The following PKIB variants were observed in gnomAD, a reference collection of about 807,000 sequenced individuals.
The protein encoded by PKIB is PKI-beta.
Under a neutral mutation model 4.5 loss-of-function variants are expected in PKIB, and 2 were observed. The ratio of observed to expected loss-of-function variants is 0.44; its 90% CI spans 0.18 to 1.39. The LOEUF (loss-of-function observed/expected upper bound fraction) is 1.39. PKIB is among the 40% of genes most tolerant of loss of function. PKIB has a pLI of 0.27. For missense variants in PKIB, 94 were observed against 92.6 expected (o/e 1.02, Z -0.06); for synonymous variants, 38 against 36.0 (o/e 1.06, Z -0.20).
chr6:122,521,930 C>T (rs904638123), intron 2 of PKIB, among the ~76,000 whole-genome samples: 9 of 152,254 alleles, frequency 5.9e-5, no homozygotes, highest in African/African-American at 2.2e-4. Flanking sequence ...CGGTCCTCAT[C>T]TTCAAGGCTC....
intron 2 of PKIB, among the ~76,000 whole-genome samples, chr6:122,489,517 T>C (rs1011967753): frequency 6.6e-6 from 1 of 152,172 alleles, no homozygotes; most frequent in Admixed American, 6.5e-5. Flanking sequence ...CAAAGTGCTG[T>C]GATTACAGGC....
chr6:122,542,070 A>G (rs1777624188), intron 2 of PKIB, among the ~76,000 whole-genome samples: 2 of 151,470 alleles, frequency 1.3e-5, no homozygotes, highest in Non-Finnish European at 2.9e-5. Flanking sequence ...TGGTTATTCT[A>G]GTTATCCATT....
chr6:122,627,070 TAAAAAAAAAAA>T (rs60344840), intron 1 of PKIB, among the ~76,000 whole-genome samples: 5 of 108,326 alleles, frequency 4.6e-5, no homozygotes, highest in African/African-American at 1.4e-4. Context: ...CCGTCTCTAC[TAAAAAAAAAAA>T]AAAAAAAAAA....
intron 2 of PKIB, among the ~76,000 whole-genome samples, chr6:122,524,906 A>G (rs1484936049): frequency 6.6e-6 from 1 of 151,218 alleles, no homozygotes; most frequent in East Asian, 1.9e-4. Flanking sequence ...GATCTTTTGT[A>G]AAACATTTTT....
intron 3 of PKIB, among the ~76,000 whole-genome samples, chr6:122,683,288 C>T (rs1777972125): frequency 6.6e-6 from 1 of 152,038 alleles, no homozygotes; most frequent in Non-Finnish European, 1.5e-5. Flanking sequence ...TCTAAAGAGG[C>T]CTCAGGAATC....
chr6:122,667,334 G>A (rs1007527569), intron 2 of PKIB, among the ~76,000 whole-genome samples: 1 of 152,092 alleles, frequency 6.6e-6, no homozygotes, highest in African/African-American at 2.4e-5. Context: ...CGAGGAGATC[G>A]AGACCATCCT....
chr6:122,653,035 A>C (rs1400792016), intron 2 of PKIB, among the ~76,000 whole-genome samples: 1 of 152,084 alleles, frequency 6.6e-6, no homozygotes, highest in African/African-American at 2.4e-5. Context: ...AATTGTACTC[A>C]TGTATTGCTG....
chr6:122,538,430 T>C (rs1387578987), intron 2 of PKIB, among the ~76,000 whole-genome samples: 1 of 152,146 alleles, frequency 6.6e-6, no homozygotes, highest in Non-Finnish European at 1.5e-5. Context: ...ATTTATTAAA[T>C]AGGGAATCCT....
At chr6:122,677,036 T>C (rs1234858601) in intron 3 of PKIB, among the ~76,000 whole-genome samples, 6 of 152,226 alleles carry the variant, frequency 3.9e-5, no homozygotes, top group Admixed American at 3.9e-4. Context: ...TGTAAGCATA[T>C]ATATGCTATG....
intron 1 of PKIB, among the ~76,000 whole-genome samples, chr6:122,626,101 T>TAGATAGATAG (rs1562275450): frequency 1.4e-5 from 2 of 143,440 alleles, no homozygotes; most frequent in African/African-American, 2.6e-5. Context: ...TAGATAGAGA[T>TAGATAGATAG]AGATTAGAAG....
intron 2 of PKIB, among the ~76,000 whole-genome samples, chr6:122,574,079 A>G (rs1249981471): frequency 6.6e-6 from 1 of 152,262 alleles, no homozygotes; most frequent in Admixed American, 6.5e-5. Context: ...GTCTCAGGTT[A>G]CAAAATTAAT....
chr6:122,644,428 A>G (rs1219890260), intron 2 of PKIB: 3 of 152,150 alleles, frequency 2.0e-5, no homozygotes, highest in African/African-American at 4.8e-5. Context: ...CAGGGGATCA[A>G]ACCATTGATC....
intron 3 of PKIB, among the ~76,000 whole-genome samples, chr6:122,705,231 T>C (rs1779006747): frequency 1.3e-5 from 2 of 152,190 alleles, no homozygotes; most frequent in South Asian, 4.1e-4. Context: ...CATGGTTCAA[T>C]GACCACATTG....
At chr6:122,627,108 TG>T (rs1775480790) in intron 1 of PKIB, among the ~76,000 whole-genome samples, 1 of 149,122 alleles carries the variant, frequency 6.7e-6, no homozygotes, top group Non-Finnish European at 1.5e-5. Flanking sequence ...CTGGGCGTGC[TG>T]GCGGGCGCCT....
chr6:122,686,365 ATCTCATTGGTT>A (rs1195696243), intron 3 of PKIB, among the ~76,000 whole-genome samples: 3 of 151,996 alleles, frequency 2.0e-5, no homozygotes, highest in Non-Finnish European at 4.4e-5. Flanking sequence ...GTAGGATGGT[ATCTCATTGGTT>A]TCTATTTGCA....
At chr6:122,521,272 T>G (rs772752303) in intron 2 of PKIB, among the ~76,000 whole-genome samples, 6 of 152,138 alleles carry the variant, frequency 3.9e-5, no homozygotes, top group African/African-American at 9.7e-5. Context: ...ATTTGGAGCT[T>G]CTTCTTGGTC....
At chr6:122,571,378 T>C (rs1773362907) in intron 2 of PKIB, among the ~76,000 whole-genome samples, 2 of 152,160 alleles carry the variant, frequency 1.3e-5, no homozygotes, top group South Asian at 4.1e-4. Context: ...TATACAGATA[T>C]CAAAATACAA....
At chr6:122,677,890 CCTTTCTTT>C (rs763833967) in intron 3 of PKIB, among the ~76,000 whole-genome samples, 20 of 60,702 alleles carry the variant, frequency 3.3e-4, no homozygotes, top group Middle Eastern at 9.6e-3. Flanking sequence ...TTCCTTCCTT[CCTTTCTTT>C]CTTTCTTTCC....
At chr6:122,537,198 G>C (rs1777432166) in intron 2 of PKIB, among the ~76,000 whole-genome samples, 1 of 151,656 alleles carries the variant, frequency 6.6e-6, no homozygotes, top group South Asian at 2.1e-4. Context: ...TTAAGTTTTA[G>C]GGTACATGTG....
Sources: allele counts gnomAD v4.1 joint callset (sites outside exome capture counted in the v4.1 genomes callset), GRCh38; gene constraint gnomAD v4.1.1; transcripts MANE v1.5; gene names NCBI Gene and HGNC (gene_info 2026-07-23, HGNC 2026-07-21).